Variants in FRMPD1 observed in about 807,000 individuals in gnomAD.
FRMPD1 encodes the protein FERM and PDZ domain containing 1.
Under a neutral mutation model 117.8 loss-of-function variants are expected in FRMPD1, and 76 were observed. The observed-to-expected ratio is 0.65, with a 90% CI of 0.54 to 0.78. FRMPD1 has a LOEUF of 0.78. FRMPD1 is among the 30% of genes least tolerant of loss of function. FRMPD1 has a pLI of 0.00. For missense variants in FRMPD1, 1,786 were observed against 1,964.5 expected, an observed-to-expected ratio of 0.91 and a Z score of 1.72; for synonymous variants, 783 against 770.4, an observed-to-expected ratio of 1.02 and a Z score of -0.27.
chr9:37,693,102 TGA>T, intron 2 of FRMPD1: 7 of 223,634 alleles, frequency 3.1e-5, no homozygotes, highest in Non-Finnish European at 6.3e-5. Flanking sequence ...GATCTCTCTC[TGA>T]CACACACACA....
Position 37,735,562 on chromosome 9 carries a change from G to A in FRMPD1, c.1229G>A (p.Arg410Lys). 2 of 1,612,722 alleles carry A rather than the reference G, an allele frequency of 1.2e-6. No homozygotes were observed. The highest frequency in any genetic ancestry group is 1.7e-6 in the Non-Finnish European group (2 of 1,178,748). Residue 410 changes from arginine (R) to lysine (K), a missense_variant, in exon 13 of 16, where the codon AGA (arginine) becomes AAA (lysine). Transcript: ENST00000377765. Reference sequence around the variant, plus strand: ...TTCCACCCTCTGCAGTTACAGGATAGAGAATCCTACATTGCCCTTCTAGTT... The same window carrying A: ...TTCCACCCTCTGCAGTTACAGGATAAAGAATCCTACATTGCCCTTCTAGTT... ...IFNATLMLQD[R>K]ESYIALLVGA...
chr9:37,614,284 G>A, the FRMPD1 span, among the ~76,000 whole-genome samples: 1 of 152,300 alleles, frequency 6.6e-6, no homozygotes, highest in South Asian at 2.1e-4. Context: ...GACAACACAG[G>A]CAAAGATACC....
intron 1 of FRMPD1, among the ~76,000 whole-genome samples, chr9:37,676,151 G>T (rs1821521946): frequency 6.6e-6 from 1 of 152,082 alleles, no homozygotes; most frequent in South Asian, 2.1e-4. Flanking sequence ...TATGGCCTGT[G>T]GTTTATACTC....
chr9:37,630,654 G>A, the FRMPD1 span, among the ~76,000 whole-genome samples: 2 of 151,980 alleles, frequency 1.3e-5, no homozygotes, highest in African/African-American at 4.8e-5. Context: ...GTGCTGAGGT[G>A]GTCAGATCGC....
At chr9:37,671,880 C>T (rs538260636) in intron 1 of FRMPD1, among the ~76,000 whole-genome samples, 2 of 152,280 alleles carry the variant, frequency 1.3e-5, no homozygotes, top group African/African-American at 2.4e-5. Context: ...GAAGGAGAAT[C>T]GCTTGAACCT....
At chr9:37,664,344 A>C (rs147779098) in intron 1 of FRMPD1, among the ~76,000 whole-genome samples, 65 of 152,212 alleles carry the variant, frequency 4.3e-4, no homozygotes, top group African/African-American at 1.5e-3. Context: ...TCCGGGATAC[A>C]TGTGGAGAAT....
At chr9:37,635,291 T>TA in the FRMPD1 span, among the ~76,000 whole-genome samples, 12 of 152,352 alleles carry the variant, frequency 7.9e-5, no homozygotes, top group Admixed American at 5.9e-4. Context: ...TATATACCAT[T>TA]AATGTTCAAT....
At chr9:37,633,478 T>C in the FRMPD1 span, among the ~76,000 whole-genome samples, 1 of 152,240 alleles carries the variant, frequency 6.6e-6, no homozygotes, top group African/African-American at 2.4e-5. Context: ...ATCCTATTTT[T>C]TAAATAGTTT....
intron 5 of FRMPD1, among the ~76,000 whole-genome samples, chr9:37,717,341 A>ATGTGTGTGTGTGTG (rs59852335): frequency 1.7e-3 from 205 of 120,150 alleles, no homozygotes; most frequent in African/African-American, 4.8e-3. Flanking sequence ...ATGTGTATAT[A>ATGTGTGTGTGTGTG]TGTGTGTGTG....
chr9:37,670,459 A>G (rs909361559), intron 1 of FRMPD1, among the ~76,000 whole-genome samples: 3 of 152,204 alleles, frequency 2.0e-5, no homozygotes, highest in African/African-American at 7.2e-5. Flanking sequence ...AGGAGGTGGA[A>G]TTTGACATTG....
chr9:37,633,512 T>C, the FRMPD1 span, among the ~76,000 whole-genome samples: 1 of 152,242 alleles, frequency 6.6e-6, no homozygotes, highest in Non-Finnish European at 1.5e-5. Context: ...GTAATACTTC[T>C]ATAAAAGAAA....
upstream of FRMPD1, among the ~76,000 whole-genome samples, chr9:37,650,815 CG>C (rs1305000749): frequency 6.7e-6 from 1 of 149,642 alleles, no homozygotes; most frequent in Non-Finnish European, 1.5e-5. Flanking sequence ...AGGCGGCGCG[CG>C]GGGCTCCTCC....
At chr9:37,648,836 A>G (rs1463163852), upstream of FRMPD1, among the ~76,000 whole-genome samples, 1 of 152,132 alleles carries the variant, frequency 6.6e-6, no homozygotes, top group Non-Finnish European at 1.5e-5. Flanking sequence ...GGGGCACCTG[A>G]GGGACATTTA....
intron 1 of FRMPD1, among the ~76,000 whole-genome samples, chr9:37,688,307 A>G (rs574026693): frequency 4.6e-5 from 7 of 151,570 alleles, no homozygotes; most frequent in Non-Finnish European, 8.8e-5. Context: ...ACAAATGACA[A>G]TGTCTAGTTT....
At chr9:37,675,391 A>C (rs1183758793) in intron 1 of FRMPD1, among the ~76,000 whole-genome samples, 3 of 151,260 alleles carry the variant, frequency 2.0e-5, no homozygotes, top group Admixed American at 6.6e-5. Context: ...ACTGCACTCC[A>C]GCCTGGGTGA....
chr9:37,696,051 C>CTTTTT lies in FRMPD1; in HGVS notation c.101+3329_101+3333dup, dbSNP rs61521469. Reference sequence around the variant, plus strand: ...TTGCTCACCGTTCTCCATTGTTTTGCTTTTTTTTTTTTTTTTTTTTTTTTA... The same window carrying CTTTTT: ...TTGCTCACCGTTCTCCATTGTTTTGCTTTTTTTTTTTTTTTTTTTTTTTTTTTTTA... On this transcript the variant is annotated intron_variant, in intron 2 of 15. Coordinates refer to ENST00000377765, the MANE Select transcript of FRMPD1 (RefSeq NM_014907.3). Among the ~76,000 whole-genome samples the CTTTTT allele has an allele frequency of 1.2e-3, 93 of 78,104 alleles. 1 individual carries two copies. The highest frequency in any genetic ancestry group is 2.6e-3 in the South Asian group (5 of 1,894). The allele number at this position is 78,104 out of a possible 152,430, so 51.2% of individuals were successfully genotyped here.
In FRMPD1 at chr9:37,740,895, C is replaced by T; in HGVS notation, c.2356+11C>T. ...CAGGCCCCCCGTCAGGTGAGCCGTC[C>T]CTTGCAGGTCTGCAGACACGGCAGG... On this transcript the variant is annotated intron_variant, in intron 15 of 15. Transcript: ENST00000377765. The surrounding 1 kb of genome is among the most constrained non-coding windows in gnomAD (Gnocchi z 4.2). The T allele has an allele frequency of 6.2e-7, 1 of 1,606,360 alleles. No individual in the cohort carries two copies. The highest frequency in any genetic ancestry group is 8.5e-7 in the Non-Finnish European group (1 of 1,172,948).
chr9:37,614,113 A>T, the FRMPD1 span, among the ~76,000 whole-genome samples: 1 of 152,248 alleles, frequency 6.6e-6, no homozygotes, highest in African/African-American at 2.4e-5. Context: ...TAACATAGGT[A>T]GAAAATGAAC....
the FRMPD1 span, among the ~76,000 whole-genome samples, chr9:37,635,470 G>A: frequency 2.0e-5 from 3 of 151,842 alleles, no homozygotes; most frequent in Non-Finnish European, 2.9e-5. Context: ...CAGCTCACCC[G>A]AGGGCCAATG....
Sources: gnomAD v4.1 joint callset for allele counts (sites outside exome capture counted in the v4.1 genomes callset) on GRCh38, gnomAD v4.1.1 for gene constraint, Gnocchi (gnomAD v3.1) non-coding constraint, MANE v1.5 for transcripts, NCBI Gene and HGNC (gene_info 2026-07-23, HGNC 2026-07-21) for gene names.